DIAPH2: variants seen among roughly 807,000 people sequenced by gnomAD.
The protein encoded by DIAPH2 is protein diaphanous homolog 2.
In DIAPH2, 35 loss-of-function variants were observed where a neutral mutation model predicts 92.7. The observed-to-expected ratio is 0.38, with a 90% CI of 0.29 to 0.50. DIAPH2 has a LOEUF of 0.50. Among genes scored for constraint, DIAPH2 ranks in the 20% least tolerant of loss-of-function variants. The pLI, the probability that DIAPH2 is intolerant of heterozygous loss-of-function variation, is 0.94. For synonymous variants in DIAPH2, 301 were observed against 280.4 expected (o/e 1.07, Z -0.73); for missense variants, 701 against 819.5 (o/e 0.86, Z 1.77).
intron 4 of DIAPH2, among the ~76,000 whole-genome samples, chrX:96,829,488 T>C (rs1403273312): frequency 4.6e-5 from 5 of 109,153 alleles, no homozygotes; most frequent in Non-Finnish European, 7.6e-5. Context: ...TGTGTGTGTG[T>C]GGTTTTTTTG....
At chrX:97,232,718 A>C (rs2068019004) in intron 22 of DIAPH2, among the ~76,000 whole-genome samples, 1 of 111,547 alleles carries the variant, frequency 9.0e-6, no homozygotes, top group African/African-American at 3.3e-5. Context: ...GAAGTCACAC[A>C]GTCTACCTGA....
chrX:97,467,489 TAC>T (rs2070523663), intron 26 of DIAPH2, among the ~76,000 whole-genome samples: 1 of 111,972 alleles, frequency 8.9e-6, no homozygotes, highest in Admixed American at 9.5e-5. Flanking sequence ...ATTCCCTTTG[TAC>T]AGGACATATT....
chrX:97,283,670 C>T (rs745719979), intron 23 of DIAPH2, among the ~76,000 whole-genome samples: 6 of 112,812 alleles, frequency 5.3e-5, no homozygotes, highest in Admixed American at 9.4e-5. Context: ...CTGCCAGGCA[C>T]GGTGGCTCAC....
chrX:97,269,038 G>A (rs1364197825), intron 23 of DIAPH2, among the ~76,000 whole-genome samples: 1 of 109,586 alleles, frequency 9.1e-6, no homozygotes, highest in Non-Finnish European at 1.9e-5. Flanking sequence ...TGTATTTTTA[G>A]TAGAGATGGG....
At chrX:96,986,839 G>A (rs1326719726) in intron 17 of DIAPH2, among the ~76,000 whole-genome samples, 1 of 111,019 alleles carries the variant, frequency 9.0e-6, no homozygotes, top group African/African-American at 3.3e-5. Context: ...TTTTAATGAA[G>A]GCACCAGCTA....
chrX:97,545,284 C>A (rs1321815151), intron 26 of DIAPH2, among the ~76,000 whole-genome samples: 1 of 110,592 alleles, frequency 9.0e-6, no homozygotes, highest in Non-Finnish European at 1.9e-5. Flanking sequence ...TCCCATTGCA[C>A]CTTAATTCCT....
At chrX:96,761,784 C>A (rs1332904269) in intron 4 of DIAPH2, among the ~76,000 whole-genome samples, 1 of 110,606 alleles carries the variant, frequency 9.0e-6, no homozygotes, top group African/African-American at 3.3e-5. Context: ...GGGACAAATA[C>A]GACCTCTGTC....
At chrX:97,510,549 A>G (rs1307057497) in intron 26 of DIAPH2, among the ~76,000 whole-genome samples, 1 of 105,929 alleles carries the variant, frequency 9.4e-6, no homozygotes, top group South Asian at 4.3e-4. Context: ...TTTTGTTGCC[A>G]TTGCTTTTGG....
In DIAPH2 at chrX:96,755,087, T is replaced by C. The variant is rs1463353504; in HGVS notation, c.343-3067T>C. On this transcript the variant is annotated intron_variant, in intron 3 of 26. Coordinates refer to ENST00000324765, the MANE Select transcript of DIAPH2 (RefSeq NM_006729.5). ...AGAGATGAAAAAGATGTCTTCTGCC[T>C]TCTAGTAAGTCATTAACAAGTAAAA... Among the ~76,000 whole-genome samples, 3 of 110,431 alleles carry C rather than the reference T, an allele frequency of 2.7e-5. No individual in the cohort carries two copies. The East Asian group carries it at 8.5e-4, about 31-fold the overall frequency.
chrX:97,236,994 C>A (rs754227828), intron 22 of DIAPH2, among the ~76,000 whole-genome samples: 1 of 111,861 alleles, frequency 8.9e-6, no homozygotes, highest in African/African-American at 3.2e-5. Flanking sequence ...AAATTGTTTT[C>A]TACCTGTTTG....
At chrX:97,476,944 CA>C (rs958991841) in intron 26 of DIAPH2, among the ~76,000 whole-genome samples, 167 of 13,348 alleles carry the variant, frequency 0.013, 2 homozygotes, top group African/African-American at 0.051. Context: ...AACTCTGTCT[CA>C]AAAAAAAAAA....
At chrX:97,489,799 A>T (rs146825802) in intron 26 of DIAPH2, among the ~76,000 whole-genome samples, 2,004 of 111,358 alleles carry the variant, frequency 0.018, 17 homozygotes, top group Middle Eastern at 0.042. Context: ...TTTGATCATG[A>T]TGTATGATTT....
intron 26 of DIAPH2, among the ~76,000 whole-genome samples, chrX:97,575,555 G>A (rs1395146581): frequency 8.9e-6 from 1 of 111,741 alleles, no homozygotes; most frequent in African/African-American, 3.3e-5. Flanking sequence ...GAATTAAGGG[G>A]GACACAATTT....
chrX:97,569,001 AT>A (rs1481551646), intron 26 of DIAPH2, among the ~76,000 whole-genome samples: 1 of 112,085 alleles, frequency 8.9e-6, no homozygotes, highest in Non-Finnish European at 1.9e-5. Flanking sequence ...CCAGAGAATA[AT>A]TGGAAACAGA....
At chrX:97,118,804 C>T (rs2067033776) in intron 21 of DIAPH2, among the ~76,000 whole-genome samples, 1 of 112,122 alleles carries the variant, frequency 8.9e-6, no homozygotes, top group Non-Finnish European at 1.9e-5. Flanking sequence ...GAATCTATAA[C>T]TTTACAAAAG....
At chrX:97,228,593 G>A (rs899796623) in intron 22 of DIAPH2, among the ~76,000 whole-genome samples, 1 of 111,228 alleles carries the variant, frequency 9.0e-6, no homozygotes, top group Non-Finnish European at 1.9e-5. Context: ...AAGAAAATGA[G>A]CAGTTTACAA....
chrX:96,962,980 G>A (rs892861420), intron 16 of DIAPH2, among the ~76,000 whole-genome samples: 4 of 111,211 alleles, frequency 3.6e-5, no homozygotes, highest in Non-Finnish European at 7.5e-5. Flanking sequence ...TTCTCTTTCA[G>A]ACACGTAGGA....
At chrX:97,283,272 G>A (rs1032558084) in intron 23 of DIAPH2, among the ~76,000 whole-genome samples, 11 of 111,783 alleles carry the variant, frequency 9.8e-5, no homozygotes, top group African/African-American at 3.3e-4. Flanking sequence ...TTCATGGATG[G>A]ACCTACCTGT....
At chrX:97,017,965 T>C (rs751892323) in intron 17 of DIAPH2, among the ~76,000 whole-genome samples, 2 of 112,530 alleles carry the variant, frequency 1.8e-5, no homozygotes, top group East Asian at 5.6e-4. Context: ...TATAGCAGGA[T>C]CTTAGTTGCC....
Sources: gnomAD v4.1 joint callset for allele counts (sites outside exome capture counted in the v4.1 genomes callset) on GRCh38, gnomAD v4.1.1 for gene constraint, MANE v1.5 for transcripts, NCBI Gene and HGNC (gene_info 2026-07-23, HGNC 2026-07-21) for gene names.